Variants in SEC24B observed in about 807,000 individuals in gnomAD.
SEC24B encodes the protein protein transport protein Sec24B.
In SEC24B, 45 loss-of-function variants were observed where a neutral mutation model predicts 142.8. The observed-to-expected ratio is 0.32, with a 90% CI of 0.25 to 0.40. SEC24B has a LOEUF of 0.40. SEC24B is among the 10% of genes least tolerant of loss of function. SEC24B has a pLI of 1.00. For synonymous variants in SEC24B, 574 were observed against 568.2 expected, an observed-to-expected ratio of 1.01 and a Z score of -0.15; for missense variants, 1,409 against 1,526.8, an observed-to-expected ratio of 0.92 and a Z score of 1.29.
chr4:109,502,619 G>A (rs1561143878), intron 6 of SEC24B, among the ~76,000 whole-genome samples: 1 of 152,174 alleles, frequency 6.6e-6, no homozygotes, highest in African/African-American at 2.4e-5. Flanking sequence ...GTAGAGGTTA[G>A]CGTATTTACT....
At chr4:109,434,041 C>A in intron 1 of SEC24B, 39 bp downstream of exon 1, 1 of 1,068,062 alleles carries the variant, frequency 9.4e-7, no homozygotes, top group Non-Finnish European at 1.1e-6. Flanking sequence ...GGGCCTAGCA[C>A]CGGCTGGGCG....
In SEC24B at chr4:109,494,687, C is replaced by A. The variant is rs1217432581; in HGVS notation, c.1319C>A (p.Ala440Asp). ...APEPDPASAPAPASAPAPVVP... is the reference protein window; with the variant it reads ...APEPDPASAPDPASAPAPVVP... ...GAACCTGATCCTGCTTCTGCTCCAG[C>A]TCCAGCTTCAGCTCCAGCTCCTGTC... The change falls in exon 6 of 24, where the codon GCT (alanine) becomes GAT (aspartate). Residue 440 changes from alanine (A) to aspartate (D), a missense_variant. Physicochemically the swap from Ala to Asp is moderately radical, Grantham distance 126 (BLOSUM62 -2). Around this residue, in one of 2 missense-constraint regions of SEC24B, gnomAD observed 709 missense variants for 673.5 expected, o/e 1.05. Coordinates refer to ENST00000265175, the MANE Select transcript of SEC24B (RefSeq NM_006323.5). 1 of 1,613,990 alleles carries A rather than the reference C, an allele frequency of 6.2e-7. No homozygotes were observed. Among genetic ancestry groups the A allele is most frequent in the Non-Finnish European group, 8.5e-7 (1 of 1,179,976 alleles).
At position 109,525,407 on chromosome 4, in the gene SEC24B, C is replaced by A. The variant is rs751871758; in HGVS notation, c.2694C>A (p.His898Gln). Residue 898 changes from histidine to glutamine, a missense_variant, in exon 16 of 24, where the codon CAC becomes CAA. Coordinates refer to ENST00000265175, the MANE Select transcript of SEC24B (RefSeq NM_006323.5). ...ATTATCCATCATTCCACTATACTCACAATCCTTCACAAGCAGAAAAGTTAC... is the reference window on the plus strand; with the variant it reads ...ATTATCCATCATTCCACTATACTCAAAATCCTTCACAAGCAGAAAAGTTAC... ...IYYYPSFHYT[H>Q]NPSQAEKLQK... 2.6e-5 allele frequency: 42 copies of A among 1,611,782 alleles called. No homozygotes were observed. Among genetic ancestry groups the A allele is most frequent in the Middle Eastern group, 3.3e-4 (2 of 6,064 alleles).
intron 1 of SEC24B, among the ~76,000 whole-genome samples, chr4:109,444,053 T>C (rs1481693019): frequency 6.6e-6 from 1 of 151,678 alleles, no homozygotes. Context: ...TAAAAACCCA[T>C]CTCTACTAAA....
chr4:109,483,477 T>C (rs548110894), intron 4 of SEC24B, among the ~76,000 whole-genome samples: 2 of 152,168 alleles, frequency 1.3e-5, no homozygotes, highest in South Asian at 2.1e-4. Flanking sequence ...TGGTGTCATG[T>C]CAGCCCTCAT....
chr4:109,451,117 G>A (rs1730037195), intron 1 of SEC24B: 2 of 152,146 alleles, frequency 1.3e-5, no homozygotes, highest in South Asian at 4.2e-4. Flanking sequence ...TTCTTATAAG[G>A]GAGATTTGCC....
intron 18 of SEC24B, among the ~76,000 whole-genome samples, chr4:109,528,252 C>G (rs1482985122): frequency 6.6e-6 from 1 of 151,904 alleles, no homozygotes; most frequent in African/African-American, 2.4e-5. Context: ...GAAACCCTGT[C>G]TCTACTAAAA....
chr4:109,494,591 A>C, intron 5 of SEC24B, 24 bp from the exon 6 acceptor site: 1 of 1,612,536 alleles, frequency 6.2e-7, no homozygotes, highest in Non-Finnish European at 8.5e-7. Flanking sequence ...TCAGTTGTTA[A>C]CACCATGTGT....
At chr4:109,481,577 GA>G in intron 3 of SEC24B, 99 bp from the exon 4 acceptor site, 1 of 730,492 alleles carries the variant, frequency 1.4e-6, no homozygotes, top group Non-Finnish European at 2.3e-6. Flanking sequence ...ATGTTCTTTG[GA>G]ATGTCAGAGT....
chr4:109,471,087 A>G (rs763300927), intron 2 of SEC24B, among the ~76,000 whole-genome samples: 2 of 144,326 alleles, frequency 1.4e-5, no homozygotes, highest in African/African-American at 3.0e-5. Context: ...ATGTATATAT[A>G]CACATACATA....
intron 6 of SEC24B, 105 bp downstream of exon 6, chr4:109,494,961 A>G: frequency 7.3e-7 from 1 of 1,361,756 alleles, no homozygotes; most frequent in Non-Finnish European, 1.0e-6. Context: ...TTAGGTACAA[A>G]TACATGTCAG....
chr4:109,510,861 G>A (rs989529058), intron 8 of SEC24B, among the ~76,000 whole-genome samples: 2 of 151,730 alleles, frequency 1.3e-5, no homozygotes, highest in Non-Finnish European at 2.9e-5. Flanking sequence ...TTCTTTTGCT[G>A]TCATTCATCC....
At chr4:109,520,698 A>G (rs570034081) in intron 12 of SEC24B, among the ~76,000 whole-genome samples, 13 of 152,340 alleles carry the variant, frequency 8.5e-5, no homozygotes, top group African/African-American at 3.1e-4. Context: ...TGTATATTTA[A>G]TAAAGCAATA....
At position 109,540,486 on chromosome 4, in the gene SEC24B, G is replaced by A. The variant is rs541055375; in HGVS notation, c.*811G>A. The A allele has an allele frequency of 3.9e-5, 6 of 152,270 alleles. No homozygotes were observed. In the South Asian group the frequency reaches 1.2e-3, roughly 32 times the overall value. The allele number at this position is 152,270 out of a possible 1,614,324, so 9.4% of individuals were successfully genotyped here. A position where few individuals can be genotyped will look rare whatever the true frequency, so the allele number is the denominator to read the frequency against. ...GGTTTGGTGATTTTTTGGGGTTTTT[G>A]TTTGATTGGTTTTTTGTGGGGATTG... On this transcript the variant is annotated 3_prime_UTR_variant, in exon 24 of 24. Coordinates refer to ENST00000265175, the MANE Select transcript of SEC24B (RefSeq NM_006323.5).
At chr4:109,496,980 T>A (rs948324360) in intron 6 of SEC24B, among the ~76,000 whole-genome samples, 11 of 152,170 alleles carry the variant, frequency 7.2e-5, no homozygotes, top group Non-Finnish European at 1.2e-4. Flanking sequence ...GAAAAAAAAA[T>A]TATTTTGAAA....
At chr4:109,481,844 C>T in intron 4 of SEC24B, 63 bp downstream of exon 4, 8 of 1,251,944 alleles carry the variant, frequency 6.4e-6, no homozygotes, top group South Asian at 3.7e-5. Context: ...TTTGTTTCCA[C>T]AGTCTTACTT....
At chr4:109,466,958 A>G (rs1313760269) in intron 2 of SEC24B, among the ~76,000 whole-genome samples, 2 of 152,214 alleles carry the variant, frequency 1.3e-5, no homozygotes, top group Non-Finnish European at 2.9e-5. Context: ...TTTAAATATT[A>G]TCTCATTTGC....
intron 16 of SEC24B, 87 bp downstream of exon 16, chr4:109,525,591 C>A (rs1724136610): frequency 1.2e-6 from 1 of 838,044 alleles, no homozygotes; most frequent in Non-Finnish European, 1.8e-6. Flanking sequence ...TCTGACTGTT[C>A]ATGATGGAAG....
At chr4:109,514,482 T>C (rs529624953) in intron 10 of SEC24B, among the ~76,000 whole-genome samples, 1 of 152,286 alleles carries the variant, frequency 6.6e-6, no homozygotes, top group Admixed American at 6.5e-5. Context: ...GTGGATCACC[T>C]GAGGTCAAGA....
Sources: allele counts gnomAD v4.1 joint callset (sites outside exome capture counted in the v4.1 genomes callset), GRCh38; gene constraint gnomAD v4.1.1; regional missense constraint gnomAD v4.1.1; transcripts MANE v1.5; gene names NCBI Gene and HGNC (gene_info 2026-07-23, HGNC 2026-07-21).